The following PEMT variants were observed in gnomAD, a reference collection of about 807,000 sequenced individuals.
The protein encoded by PEMT is phospholipid methyltransferase.
PEMT carries 23 observed loss-of-function variants against 27.4 expected under a neutral mutation model. The observed-to-expected ratio is 0.84, with a 90% CI of 0.60 to 1.19. The LOEUF (loss-of-function observed/expected upper bound fraction) is 1.19, where lower values mean the gene tolerates loss of function less well. Ranked by LOEUF, PEMT falls within the 50% of genes most tolerant of loss-of-function variation. The probability of loss-of-function intolerance (pLI) is 0.00; values close to 1 mark genes in which losing one functional copy is unlikely to be tolerated. For missense variants in PEMT, 307 were observed against 310.1 expected, an observed-to-expected ratio of 0.99 and a Z score of 0.07; for synonymous variants, 137 against 139.1, an observed-to-expected ratio of 0.98 and a Z score of 0.11.
At chr17:17,583,074 AAAG>A (rs1248022715) in intron 1 of PEMT, among the ~76,000 whole-genome samples, 35 of 148,970 alleles carry the variant, frequency 2.3e-4, no homozygotes, top group Admixed American at 6.7e-4. Context: ...AAAAAAAAAA[AAAG>A]AAGAAGTTTA....
At chr17:17,564,491 C>T (rs1261016988) in intron 2 of PEMT, among the ~76,000 whole-genome samples, 1 of 152,088 alleles carries the variant, frequency 6.6e-6, no homozygotes, top group Non-Finnish European at 1.5e-5. Flanking sequence ...GGGACCAGAA[C>T]TTGCCAAGTT....
At chr17:17,585,567 AC>A (rs1220505201) in intron 1 of PEMT, among the ~76,000 whole-genome samples, 3 of 152,116 alleles carry the variant, frequency 2.0e-5, no homozygotes, top group African/African-American at 4.8e-5. Context: ...AATACCTGCC[AC>A]CCCGCTCTTA....
At chr17:17,543,894 C>G (rs1273753252) in intron 2 of PEMT, among the ~76,000 whole-genome samples, 1 of 152,342 alleles carries the variant, frequency 6.6e-6, no homozygotes, top group East Asian at 1.9e-4. Context: ...AAAATAGAAC[C>G]TCTGAGCTTG....
At chr17:17,553,345 T>A (rs1909800060) in intron 2 of PEMT, among the ~76,000 whole-genome samples, 2 of 152,306 alleles carry the variant, frequency 1.3e-5, no homozygotes, top group Admixed American at 1.3e-4. Context: ...GCAGGGCGCC[T>A]GCACACTTCG....
intron 2 of PEMT, among the ~76,000 whole-genome samples, chr17:17,554,330 C>T (rs1367855046): frequency 1.3e-5 from 2 of 152,194 alleles, no homozygotes; most frequent in South Asian, 2.1e-4. Context: ...GATGCTGCCC[C>T]AGATGTTCAC....
chr17:17,581,023 CAGGAA>C (rs893694322), intron 1 of PEMT, among the ~76,000 whole-genome samples: 4 of 152,150 alleles, frequency 2.6e-5, no homozygotes, highest in African/African-American at 9.7e-5. Flanking sequence ...AAGGGGAAAG[CAGGAA>C]AGGCCTAGGG....
chr17:17,507,534 A>G (rs994150322), intron 5 of PEMT: 9 of 317,142 alleles, frequency 2.8e-5, no homozygotes, highest in Admixed American at 1.3e-4. Context: ...CCAGGCTCCA[A>G]CCCCAGGCCT....
At chr17:17,562,435 C>T (rs1263165713) in intron 2 of PEMT, among the ~76,000 whole-genome samples, 4 of 152,150 alleles carry the variant, frequency 2.6e-5, no homozygotes, top group Non-Finnish European at 4.4e-5. Flanking sequence ...TCCCTCGCCA[C>T]GGGCTGTCCC....
chr17:17,546,014 T>C (rs908277860), intron 2 of PEMT, among the ~76,000 whole-genome samples: 22 of 152,346 alleles, frequency 1.4e-4, no homozygotes, highest in Non-Finnish European at 3.1e-4. Flanking sequence ...CTGGGCCACC[T>C]TGCCTGGGCT....
chr17:17,509,433 C>A lies in PEMT; in HGVS notation c.578+1G>T. On this transcript the variant is annotated splice_donor_variant, in intron 5 of 6. Coordinates refer to ENST00000255389, the MANE Select transcript of PEMT (RefSeq NM_148172.3). LOFTEE classifies it high-confidence loss of function. ...AGAGGGGTGGCAAGCCTGGTACTCA[C>A]ATGATGGCCCAGCCCAGGTAGTTGG... 6.2e-7 allele frequency: 1 copy of A among 1,603,864 alleles called. No homozygotes were observed. The highest frequency in any genetic ancestry group is 2.2e-5 in the East Asian group (1 of 44,758).
chr17:17,591,391 C>T lies in PEMT; in HGVS notation c.96+140G>A, dbSNP rs548877536. ...CCGGCGCTCCCGCACGCGGCTCCCC[C>T]ACCCCCGCCACGCCACGCCCCCATT... On this transcript the variant is annotated intron_variant, in intron 1 of 6. Coordinates refer to ENST00000255389, the MANE Select transcript of PEMT (RefSeq NM_148172.3). The T allele has an allele frequency of 3.3e-5, 24 of 724,822 alleles. 1 individual carries two copies. The highest frequency in any genetic ancestry group is 7.9e-4 in the Middle Eastern group (2 of 2,546). 44.9% of individuals were successfully genotyped at this position (724,822 alleles called of 1,614,324 possible).
rs138055140 is a variant in PEMT, at chr17:17,566,990, C to A, written c.204+9930G>T. On this transcript the variant is annotated intron_variant, in intron 2 of 6. Coordinates refer to ENST00000255389, the MANE Select transcript of PEMT (RefSeq NM_148172.3). ...CCAAACCCTACTGCCCAGGGCCGCACGCTGCCTTTCGGTTAGGGTGATTCT... is the reference window on the plus strand; with the variant it reads ...CCAAACCCTACTGCCCAGGGCCGCAAGCTGCCTTTCGGTTAGGGTGATTCT... 9.8e-3 allele frequency among the ~76,000 whole-genome samples: 1,488 copies of A among 152,350 alleles called. 27 individuals carry two copies. The highest frequency in any genetic ancestry group is 0.033 in the African/African-American group (1,382 of 41,588).
upstream of PEMT, chr17:17,591,958 G>A (rs1022126201): frequency 1.6e-5 from 16 of 985,484 alleles, no homozygotes; most frequent in Admixed American, 1.8e-4. Flanking sequence ...ACCCGAGCCT[G>A]TAACTGACCT....
chr17:17,529,055 T>C (rs1169363898), intron 2 of PEMT, among the ~76,000 whole-genome samples: 1 of 152,210 alleles, frequency 6.6e-6, no homozygotes, highest in Non-Finnish European at 1.5e-5. Context: ...ATGGGGTGTG[T>C]TTGTGGGAGC....
At chr17:17,576,429 G>T (rs1044369355) in intron 2 of PEMT, among the ~76,000 whole-genome samples, 1 of 152,190 alleles carries the variant, frequency 6.6e-6, no homozygotes, top group African/African-American at 2.4e-5. Context: ...GCCTAGGTCC[G>T]GAATGCGCAG....
rs1399307302 is a variant in PEMT, at chr17:17,591,599, C to T, written c.28G>A (p.Glu10Lys). 2.5e-6 allele frequency: 4 copies of T among 1,613,280 alleles called. No homozygotes were observed. The highest frequency in any genetic ancestry group is 3.4e-6 in the Non-Finnish European group (4 of 1,179,714). ...CCTGCCACCGAGCTGTTCGTTACCT[C>T]GGCTCCCGGGTTCCCAGATCTCTTC... MKRSGNPGAEVTNSSVAGPD... is the reference protein window; with the variant it reads MKRSGNPGAKVTNSSVAGPD... Residue 10 changes from glutamate to lysine, a missense_variant, in exon 1 of 7, where the codon GAG (glutamate) becomes AAG (lysine). By Grantham distance (56) the Glu-to-Lys change is moderately conservative. Transcript: ENST00000255389.
intron 1 of PEMT, among the ~76,000 whole-genome samples, chr17:17,581,034 T>G (rs1267159094): frequency 6.6e-6 from 1 of 152,096 alleles, no homozygotes; most frequent in Non-Finnish European, 1.5e-5. Flanking sequence ...AGGAAAGGCC[T>G]AGGGACACTG....
At position 17,525,265 on chromosome 17, in the gene PEMT, G is replaced by A. The variant is rs559993147; in HGVS notation, c.205-2870C>T. 2.0e-3 allele frequency among the ~76,000 whole-genome samples: 298 copies of A among 152,256 alleles called. 1 individual carries two copies. Among genetic ancestry groups the A allele is most frequent in the Non-Finnish European group, 3.0e-3 (203 of 68,024 alleles). On this transcript the variant is annotated intron_variant, in intron 2 of 6. Transcript: ENST00000255389. ...AAATGAGCTTTCAGAACAATCTAAC[G>A]ACAACAGAAAAGCATCAAGCAAGAC...
chr17:17,554,647 G>A (rs1480470382), intron 2 of PEMT, among the ~76,000 whole-genome samples: 1 of 151,438 alleles, frequency 6.6e-6, no homozygotes, highest in Admixed American at 6.6e-5. Context: ...AGAGTGTCTC[G>A]CTCTGTCTCC....
Sources: allele counts gnomAD v4.1 joint callset (sites outside exome capture counted in the v4.1 genomes callset), GRCh38; gene constraint gnomAD v4.1.1; transcripts MANE v1.5; gene names NCBI Gene and HGNC (gene_info 2026-07-23, HGNC 2026-07-21).